PDE8A: variants seen among roughly 807,000 people sequenced by gnomAD.
The protein encoded by PDE8A is high affinity cAMP-specific and IBMX-insensitive 3',5'-cyclic phosphodiesterase 8A.
PDE8A carries 59 observed loss-of-function variants against 105.0 expected under a neutral mutation model. The ratio of observed to expected loss-of-function variants is 0.56; its 90% confidence interval spans 0.46 to 0.70. PDE8A has a LOEUF of 0.70. Ranked by LOEUF, PDE8A falls within the 30% of genes least tolerant of loss-of-function variation. The probability of loss-of-function intolerance (pLI) is 0.00; values close to 1 mark genes in which losing one functional copy is unlikely to be tolerated. For synonymous variants in PDE8A, 355 were observed against 371.9 expected (o/e 0.95, Z 0.52); for missense variants, 1,014 against 1,045.9 (o/e 0.97, Z 0.42).
chr15:85,134,358 G>A (rs895206516), intron 20 of PDE8A, among the ~76,000 whole-genome samples: 2 of 152,170 alleles, frequency 1.3e-5, no homozygotes, highest in Admixed American at 1.3e-4. Context: ...CCCGCCCAGG[G>A]CACTGCTGTT....
At chr15:85,109,672 A>G (rs1224634163) in intron 12 of PDE8A, among the ~76,000 whole-genome samples, 1 of 152,238 alleles carries the variant, frequency 6.6e-6, no homozygotes, top group Non-Finnish European at 1.5e-5. Flanking sequence ...TGCTAGCTGT[A>G]TACATTCTTT....
chr15:85,110,098 G>C (rs917017444), intron 12 of PDE8A, among the ~76,000 whole-genome samples: 1 of 152,170 alleles, frequency 6.6e-6, no homozygotes, highest in African/African-American at 2.4e-5. Flanking sequence ...GAGTGTGTAT[G>C]GTGCCTGGTA....
chr15:85,116,593 T>A (rs2082100557), intron 16 of PDE8A, among the ~76,000 whole-genome samples: 1 of 151,922 alleles, frequency 6.6e-6, no homozygotes, highest in Admixed American at 6.6e-5. Context: ...AGGAATGGGG[T>A]TTTGCCTTGA....
rs185469416 is a variant in PDE8A, at chr15:85,084,194, G to C, written c.635+550G>C. On this transcript the variant is annotated intron_variant, in intron 6 of 21. Transcript: ENST00000394553. ...TCCTATCATTTTAGGTTTCTTCCTT[G>C]GGTGTTCAACTATTCTTTAACATTT... Among the ~76,000 whole-genome samples, 502 of 152,150 alleles carry C rather than the reference G, an allele frequency of 3.3e-3. 4 individuals are homozygous for C. Among genetic ancestry groups the C allele is most frequent in the African/African-American group, 0.011 (473 of 41,514 alleles).
Position 85,109,070 on chromosome 15 carries a change from C to T in PDE8A, c.1054C>T (p.His352Tyr). The change falls in exon 12 of 22, where the codon CAT becomes TAT. Residue 352 changes from histidine to tyrosine, a missense_variant. Coordinates refer to ENST00000394553, the MANE Select transcript of PDE8A (RefSeq NM_002605.3). Reference protein sequence around the residue: ...DTHTDNQTGKHKDRRKGSLDV... With the variant: ...DTHTDNQTGKYKDRRKGSLDV... ...TTCTACAGATAATCAGACAGGCAAA[C>T]ATAAAGACAGGAGAAAAGGCTCACT... 1 of 1,608,370 alleles carries T rather than the reference C, an allele frequency of 6.2e-7. No individual in the cohort carries two copies.
upstream of PDE8A, chr15:84,980,722 G>A (rs1389319600): frequency 6.6e-6 from 1 of 152,308 alleles, no homozygotes; most frequent in Non-Finnish European, 1.5e-5. Flanking sequence ...GCAAGCTAGT[G>A]GCTGTGTGCG....
intron 19 of PDE8A, among the ~76,000 whole-genome samples, chr15:85,124,619 C>T (rs1409801612): frequency 6.6e-6 from 1 of 152,214 alleles, no homozygotes; most frequent in Non-Finnish European, 1.5e-5. Flanking sequence ...ATGACACTTA[C>T]TTTGGTTTAA....
At chr15:85,048,372 T>G (rs1299024592) in intron 1 of PDE8A, among the ~76,000 whole-genome samples, 2 of 152,188 alleles carry the variant, frequency 1.3e-5, no homozygotes, top group African/African-American at 4.8e-5. Context: ...TTTTATCTAT[T>G]TGATCCTTCT....
chr15:85,013,233 A>T (rs899636924), intron 1 of PDE8A, among the ~76,000 whole-genome samples: 2 of 152,228 alleles, frequency 1.3e-5, no homozygotes, highest in Non-Finnish European at 2.9e-5. Context: ...GATGGGCTTG[A>T]TAGAGAAATT....
At chr15:85,021,865 G>T (rs1235306558) in intron 1 of PDE8A, among the ~76,000 whole-genome samples, 1 of 152,204 alleles carries the variant, frequency 6.6e-6, no homozygotes, top group Non-Finnish European at 1.5e-5. Flanking sequence ...TACCACAAAA[G>T]GGAGGTTGCG....
At chr15:85,038,214 GGGGTGTGTGTGTGTGT>G (rs1205736825) in intron 1 of PDE8A, among the ~76,000 whole-genome samples, 55 of 144,132 alleles carry the variant, frequency 3.8e-4, no homozygotes, top group South Asian at 1.6e-3. Context: ...CTCCAATTGG[GGGGTGTGTGTGTGTGT>G]GTGTGTGTGT....
intron 20 of PDE8A, among the ~76,000 whole-genome samples, chr15:85,127,691 A>G (rs1001531156): frequency 1.3e-5 from 2 of 152,214 alleles, no homozygotes; most frequent in African/African-American, 2.4e-5. Context: ...ATAAATGGTG[A>G]GGCATATCAT....
At chr15:85,103,702 G>A (rs561403122) in intron 11 of PDE8A, among the ~76,000 whole-genome samples, 3 of 152,344 alleles carry the variant, frequency 2.0e-5, no homozygotes, top group South Asian at 2.1e-4. Flanking sequence ...CCCCACTGCC[G>A]TAGGCATGCC....
intron 1 of PDE8A, among the ~76,000 whole-genome samples, chr15:85,056,037 G>A (rs2141430389): frequency 6.6e-6 from 1 of 152,258 alleles, no homozygotes; most frequent in South Asian, 2.1e-4. Context: ...TTGCTTGTCT[G>A]TAAAGGATTT....
At chr15:85,126,723 G>C (rs538252080) in intron 20 of PDE8A, among the ~76,000 whole-genome samples, 7 of 152,086 alleles carry the variant, frequency 4.6e-5, no homozygotes, top group Non-Finnish European at 8.8e-5. Flanking sequence ...GATTTTTCCA[G>C]ATTTGGTGGA....
At chr15:85,103,653 G>A (rs1024033443) in intron 11 of PDE8A, among the ~76,000 whole-genome samples, 15 of 152,310 alleles carry the variant, frequency 9.8e-5, no homozygotes, top group African/African-American at 3.4e-4. Flanking sequence ...AACTAGTTTT[G>A]GAAAAGGAAG....
intron 1 of PDE8A, among the ~76,000 whole-genome samples, chr15:84,998,478 T>C (rs62021184): frequency 0.23 from 34,458 of 152,154 alleles, 5,106 homozygotes; most frequent in Middle Eastern, 0.36. Context: ...TTGGATGTCA[T>C]TAGAGGAGTT....
rs146806015 is a variant in PDE8A at position 84,989,161 on chromosome 15, C to T, written c.186+6813C>T. Among the ~76,000 whole-genome samples, 94 of 152,300 alleles carry T rather than the reference C, an allele frequency of 6.2e-4. No individual in the cohort carries two copies. In the East Asian group the frequency reaches 0.015, roughly 24 times the overall value. ...TGTGTGGTAAAGAGTGGTAGAGTATCATGTCAGAGAGCTGTTTTGACAAGT... is the reference window on the plus strand; with the variant it reads ...TGTGTGGTAAAGAGTGGTAGAGTATTATGTCAGAGAGCTGTTTTGACAAGT... On this transcript the variant is annotated intron_variant, in intron 1 of 21. Coordinates refer to ENST00000394553, the MANE Select transcript of PDE8A (RefSeq NM_002605.3).
At chr15:84,983,981 A>G (rs2079762762) in intron 1 of PDE8A, among the ~76,000 whole-genome samples, 1 of 152,172 alleles carries the variant, frequency 6.6e-6, no homozygotes, top group South Asian at 2.1e-4. Context: ...TTGGCAGACC[A>G]TTGTCTTGTG....
Sources: gnomAD v4.1 joint callset for allele counts (sites outside exome capture counted in the v4.1 genomes callset) on GRCh38, gnomAD v4.1.1 for gene constraint, MANE v1.5 for transcripts, NCBI Gene and HGNC (gene_info 2026-07-23, HGNC 2026-07-21) for gene names.